The following THSD7A variants were observed in gnomAD, a reference collection of about 807,000 sequenced individuals.
THSD7A encodes the protein thrombospondin type 1 domain containing 7A, also known as thrombospondin type-1 domain-containing protein 7A.
THSD7A carries 96 observed loss-of-function variants against 231.3 expected under a neutral mutation model. The observed-to-expected ratio is 0.41, with a 90% confidence interval of 0.35 to 0.49. THSD7A has a LOEUF of 0.49. Among genes scored for constraint, THSD7A ranks in the 20% least tolerant of loss-of-function variants. The pLI is 0.05. For missense variants in THSD7A, 2,290 were observed against 2,070.2 expected, an observed-to-expected ratio of 1.11 and a Z score of -2.06; for synonymous variants, 940 against 743.3, an observed-to-expected ratio of 1.26 and a Z score of -4.30.
intron 6 of THSD7A, among the ~76,000 whole-genome samples, chr7:11,522,582 G>A (rs1409860493): frequency 6.6e-6 from 1 of 152,026 alleles, no homozygotes; most frequent in Non-Finnish European, 1.5e-5. Flanking sequence ...GACAGCTAAA[G>A]AGTAATTTTA....
At chr7:11,466,525 C>T (rs1785712723) in intron 9 of THSD7A, among the ~76,000 whole-genome samples, 1 of 152,126 alleles carries the variant, frequency 6.6e-6, no homozygotes, top group South Asian at 2.1e-4. Context: ...AACAATGACC[C>T]TTCTATCACT....
intron 7 of THSD7A, among the ~76,000 whole-genome samples, chr7:11,476,195 C>T (rs1255900480): frequency 1.3e-5 from 2 of 151,682 alleles, no homozygotes; most frequent in South Asian, 4.2e-4. Flanking sequence ...TTAGAATTTC[C>T]TAACATAACT....
chr7:11,511,889 C>G (rs900677696), intron 6 of THSD7A, among the ~76,000 whole-genome samples: 23 of 152,166 alleles, frequency 1.5e-4, no homozygotes, highest in African/African-American at 5.6e-4. Context: ...GACTTCATGA[C>G]TAAAACACCA....
rs7807697 is a variant in THSD7A, at chr7:11,462,025, C to A, written c.2487G>T (p.Ala829=). ...YEEKACEAPQ[A]CQSYRWKTHK... ...TCTAACCCTACCTGTAGCTTTGGCA[C>A]GCTTGAGGTGCCTCACAGGCCTTCT... The change falls in exon 10 of 28, where the codon GCG becomes GCT. Residue 829 remains alanine (A), a synonymous_variant. Transcript: ENST00000423059. 1.9e-3 allele frequency: 3,127 copies of A among 1,613,574 alleles called. 64 individuals are homozygous for A. The African/African-American group carries it at 0.037, about 19-fold the overall frequency.
chr7:11,536,108 T>G (rs1788905384), intron 6 of THSD7A, among the ~76,000 whole-genome samples: 1 of 152,044 alleles, frequency 6.6e-6, no homozygotes, highest in Non-Finnish European at 1.5e-5. Flanking sequence ...AGTCTTCAGG[T>G]TTTCCAGCCT....
chr7:11,802,155 T>C (rs6949986), intron 1 of THSD7A, among the ~76,000 whole-genome samples: 1 of 152,132 alleles, frequency 6.6e-6, no homozygotes, highest in Non-Finnish European at 1.5e-5. Flanking sequence ...CCTTGCTCCA[T>C]ACTTAGGAAA....
In THSD7A at chr7:11,620,965, C is replaced by G. The variant is rs78829621; in HGVS notation, c.1022+15165G>C. On this transcript the variant is annotated intron_variant, in intron 2 of 27. Transcript: ENST00000423059. ...CAGCTTCACGTGTTCCTCTGGCTCC[C>G]TCGGCTCTAGACTACCAGCCTCATA... Among the ~76,000 whole-genome samples the G allele has an allele frequency of 8.9e-4, 136 of 152,272 alleles. 1 individual carries two copies. Among genetic ancestry groups the G allele is most frequent in the African/African-American group, 3.2e-3 (133 of 41,570 alleles).
chr7:11,475,583 A>T (rs1044656102), intron 7 of THSD7A, among the ~76,000 whole-genome samples: 1 of 145,058 alleles, frequency 6.9e-6, no homozygotes, highest in African/African-American at 2.5e-5. Flanking sequence ...TATATATAAC[A>T]TATATGTATA....
chr7:11,777,459 A>ACACT (rs1554276826), intron 1 of THSD7A, among the ~76,000 whole-genome samples: 6 of 148,712 alleles, frequency 4.0e-5, no homozygotes, highest in African/African-American at 1.5e-4. Context: ...ACACACACAC[A>ACACT]CTCTTTAACT....
At chr7:11,393,050 C>G (rs1173168332) in intron 23 of THSD7A, among the ~76,000 whole-genome samples, 1 of 152,204 alleles carries the variant, frequency 6.6e-6, no homozygotes, top group Non-Finnish European at 1.5e-5. Context: ...AAGGGTCATA[C>G]TCTCTCCCGA....
rs151011971 is a variant in THSD7A at position 11,476,199 on chromosome 7, C to T, written c.2018-1631G>A. 7.3e-3 allele frequency among the ~76,000 whole-genome samples: 1,106 copies of T among 151,958 alleles called. 10 individuals carry two copies. Among genetic ancestry groups the T allele is most frequent in the African/African-American group, 0.025 (1,024 of 41,436 alleles). Reference sequence around the variant, plus strand: ...GTTGCCTCCCTTTAGAATTTCCTAACATAACTTTAAAATATTTTTTGAGAC... The same window carrying T: ...GTTGCCTCCCTTTAGAATTTCCTAATATAACTTTAAAATATTTTTTGAGAC... On this transcript the variant is annotated intron_variant, in intron 7 of 27. Transcript: ENST00000423059.
At chr7:11,556,775 C>T (rs1201651505) in intron 4 of THSD7A, among the ~76,000 whole-genome samples, 3 of 151,972 alleles carry the variant, frequency 2.0e-5, no homozygotes, top group African/African-American at 7.2e-5. Flanking sequence ...TCCTCTAGCA[C>T]TTGAAAAATA....
chr7:11,822,839 A>C (rs981927917), intron 1 of THSD7A, among the ~76,000 whole-genome samples: 6 of 152,080 alleles, frequency 3.9e-5, no homozygotes, highest in African/African-American at 1.4e-4. Flanking sequence ...TATCTAGTAT[A>C]CTCTAGATAT....
intron 1 of THSD7A, among the ~76,000 whole-genome samples, chr7:11,692,249 G>A (rs1780255347): frequency 6.6e-6 from 1 of 151,540 alleles, no homozygotes; most frequent in Non-Finnish European, 1.5e-5. Context: ...AGTCCTAACA[G>A]AATGGCTTCA....
At chr7:11,566,114 G>C (rs191222653) in intron 4 of THSD7A, among the ~76,000 whole-genome samples, 44 of 152,052 alleles carry the variant, frequency 2.9e-4, no homozygotes, top group Non-Finnish European at 6.2e-4. Context: ...AAACAAATAC[G>C]AAAGGTCAAA....
chr7:11,379,578 G>T, intron 25 of THSD7A, 52 bp downstream of exon 25: 1 of 1,457,206 alleles, frequency 6.9e-7, no homozygotes, highest in South Asian at 1.2e-5. Context: ...AAGAGACAGT[G>T]GGGTGACACA....
chr7:11,437,264 C>T (rs903109726), intron 13 of THSD7A, among the ~76,000 whole-genome samples: 3 of 152,090 alleles, frequency 2.0e-5, no homozygotes, highest in Admixed American at 1.3e-4. Flanking sequence ...ATGGCAGCTG[C>T]AGGAAAATCT....
chr7:11,452,364 T>C lies in THSD7A; in HGVS notation c.2606-4940A>G, dbSNP rs111833732. On this transcript the variant is annotated intron_variant, in intron 11 of 27. Coordinates refer to ENST00000423059, the MANE Select transcript of THSD7A (RefSeq NM_015204.3). ...GTTGTTTACTAGGTAGATATAATGATCCTGGTCTTTCTCTGTGTAAAAGAG... is the reference window on the plus strand; with the variant it reads ...GTTGTTTACTAGGTAGATATAATGACCCTGGTCTTTCTCTGTGTAAAAGAG... Among the ~76,000 whole-genome samples, 726 of 152,132 alleles carry C rather than the reference T, an allele frequency of 4.8e-3. 6 individuals are homozygous for C. The highest frequency in any genetic ancestry group is 0.017 in the African/African-American group (687 of 41,530).
At chr7:11,574,591 C>T (rs573891499) in intron 4 of THSD7A, among the ~76,000 whole-genome samples, 33 of 151,374 alleles carry the variant, frequency 2.2e-4, no homozygotes, top group Admixed American at 5.9e-4. Context: ...CCCACCACCA[C>T]GCCCGGCTAA....
Sources: allele counts gnomAD v4.1 joint callset (sites outside exome capture counted in the v4.1 genomes callset), GRCh38; gene constraint gnomAD v4.1.1; transcripts MANE v1.5; gene names NCBI Gene and HGNC (gene_info 2026-07-23, HGNC 2026-07-21).